The following SRRM4 variants were observed in gnomAD, a reference collection of about 807,000 sequenced individuals.
SRRM4 encodes serine/arginine repetitive matrix 4.
A neutral mutation model predicts 68.9 loss-of-function variants in SRRM4; 33 were observed. The observed-to-expected ratio is 0.48, with a 90% CI of 0.36 to 0.64. The LOEUF (loss-of-function observed/expected upper bound fraction) is 0.64. Among genes scored for constraint, SRRM4 ranks in the 30% least tolerant of loss-of-function variants. SRRM4 has a pLI of 0.00. For missense variants in SRRM4, 817 were observed against 827.1 expected, an observed-to-expected ratio of 0.99 and a Z score of 0.15; for synonymous variants, 318 against 318.8, an observed-to-expected ratio of 1.00 and a Z score of 0.03.
chr12:119,027,513 T>C (rs541709782), intron 1 of SRRM4, among the ~76,000 whole-genome samples: 116 of 151,778 alleles, frequency 7.6e-4, no homozygotes, highest in African/African-American at 2.7e-3. Context: ...GCACAATGAG[T>C]CAGATCTACA....
intron 10 of SRRM4, among the ~76,000 whole-genome samples, chr12:119,151,425 C>T (rs1954438792): frequency 6.6e-6 from 1 of 151,948 alleles, no homozygotes. Flanking sequence ...GAAGAAATAG[C>T]AATTCTTACC....
rs1481941455 is a variant in SRRM4, at chr12:119,145,426, A to T, written c.817A>T (p.Ser273Cys). ...TGCTGACCTCTTTACCAAAACAGCC[A>T]GCCCGCTCACCACCTCGCGAGGACG... ...SAADLFTKTA[S>C]PLTTSRGRSQ... Residue 273 changes from serine (S) to cysteine (C), a missense_variant, in exon 9 of 13, where the codon AGC (serine) becomes TGC (cysteine). By Grantham distance (112) the Ser-to-Cys change is moderately radical. Transcript: ENST00000267260. 2 of 1,606,936 alleles carry T rather than the reference A, an allele frequency of 1.2e-6. No individual in the cohort carries two copies. Among genetic ancestry groups the T allele is most frequent in the African/African-American group, 2.7e-5 (2 of 74,788 alleles).
chr12:119,054,313 T>C (rs1953763931), intron 1 of SRRM4, among the ~76,000 whole-genome samples: 1 of 152,244 alleles, frequency 6.6e-6, no homozygotes, highest in African/African-American at 2.4e-5. Flanking sequence ...GCACTCACTG[T>C]GCCAGATGCT....
chr12:119,055,555 G>A (rs1252452740), intron 1 of SRRM4, among the ~76,000 whole-genome samples: 1 of 152,280 alleles, frequency 6.6e-6, no homozygotes, highest in African/African-American at 2.4e-5. Flanking sequence ...CGCACATTTG[G>A]TATGGACTCA....
At chr12:119,099,671 C>T (rs370808653) in intron 1 of SRRM4, among the ~76,000 whole-genome samples, 2 of 151,894 alleles carry the variant, frequency 1.3e-5, no homozygotes, top group East Asian at 1.9e-4. Context: ...GGTCAGATGT[C>T]AACCAGGTTT....
At chr12:119,065,348 G>A (rs1377530652) in intron 1 of SRRM4, among the ~76,000 whole-genome samples, 1 of 152,142 alleles carries the variant, frequency 6.6e-6, no homozygotes, top group African/African-American at 2.4e-5. Context: ...GGAAATATCA[G>A]CCAATTTGAA....
rs61938017 is a variant in SRRM4, at chr12:119,100,979, A to G, written c.132-1257A>G. ...CAGCTCGGCTTCTAAAGATGCACTCATAAGTGGCTGACAGAGATGGATGTG... is the reference window on the plus strand; with the variant it reads ...CAGCTCGGCTTCTAAAGATGCACTCGTAAGTGGCTGACAGAGATGGATGTG... On this transcript the variant is annotated intron_variant, in intron 1 of 12. Transcript: ENST00000267260. Among the ~76,000 whole-genome samples the G allele has an allele frequency of 3.3e-3, 500 of 152,330 alleles. 4 individuals are homozygous for G. The highest frequency in any genetic ancestry group is 0.031 in the Middle Eastern group (9 of 294).
intron 1 of SRRM4, among the ~76,000 whole-genome samples, chr12:118,990,723 A>G (rs115987594): frequency 7.2e-5 from 11 of 152,318 alleles, no homozygotes; most frequent in African/African-American, 2.6e-4. Context: ...TTATCCACAT[A>G]GACCCAGAAG....
rs1222502656 is a variant in SRRM4 at position 119,159,725 on chromosome 12, G to C, written c.*2927G>C. 2 of 152,126 alleles carry C rather than the reference G, an allele frequency of 1.3e-5. No individual in the cohort carries two copies. The highest frequency in any genetic ancestry group is 4.8e-5 in the African/African-American group (2 of 41,394). 9.4% of individuals were successfully genotyped at this position (152,126 alleles called of 1,614,324 possible). A position where few individuals can be genotyped will look rare whatever the true frequency, so the allele number is the denominator to read the frequency against. ...ATGTTACACATGCTTCCACTCCACA[G>C]TACCTAATTTCTCTCTGTCCCCTGA... is the stretch of plus-strand genomic sequence containing the variant. On this transcript the variant is annotated 3_prime_UTR_variant, in exon 13 of 13. Transcript: ENST00000267260.
At chr12:119,107,806 G>A (rs1717880855) in intron 2 of SRRM4, among the ~76,000 whole-genome samples, 1 of 151,290 alleles carries the variant, frequency 6.6e-6, no homozygotes, top group South Asian at 2.1e-4. Context: ...GGTTTTTTGT[G>A]TATCTCCTTC....
intron 8 of SRRM4, among the ~76,000 whole-genome samples, chr12:119,131,115 A>T (rs1045920261): frequency 1.3e-5 from 2 of 152,220 alleles, no homozygotes; most frequent in Non-Finnish European, 2.9e-5. Flanking sequence ...TGATATCTGC[A>T]GGAAGACATG....
rs189837600 is a variant in SRRM4, at chr12:119,011,349, T to C, written c.131+29336T>C. On this transcript the variant is annotated intron_variant, in intron 1 of 12. Coordinates refer to ENST00000267260, the MANE Select transcript of SRRM4 (RefSeq NM_194286.4). The stretch of plus-strand genomic sequence containing the variant: ...CAGATAATACTTCCTTGTGGGGAGC[T>C]GTCCTGTGCACTGCAGGATGTTTAG... Among the ~76,000 whole-genome samples the C allele has an allele frequency of 9.8e-5, 15 of 152,344 alleles. No individual in the cohort carries two copies. In the East Asian group the frequency reaches 2.7e-3, roughly 27 times the overall value.
chr12:119,019,072 T>G (rs1953498473), intron 1 of SRRM4, among the ~76,000 whole-genome samples: 1 of 152,188 alleles, frequency 6.6e-6, no homozygotes, highest in Admixed American at 6.5e-5. Context: ...CAACCCTTCA[T>G]AACCTTCCTG....
intron 8 of SRRM4, among the ~76,000 whole-genome samples, chr12:119,137,015 C>T (rs945279812): frequency 7.9e-5 from 12 of 152,162 alleles, no homozygotes; most frequent in Admixed American, 7.2e-4. Flanking sequence ...TCAATGAATC[C>T]ATTCTTTTGC....
At chr12:119,143,865 TCC>T (rs576854946) in intron 8 of SRRM4, among the ~76,000 whole-genome samples, 49 of 152,052 alleles carry the variant, frequency 3.2e-4, no homozygotes, top group Non-Finnish European at 6.5e-4. Context: ...GCCTTCTTGG[TCC>T]CCCAGATTTC....
intron 4 of SRRM4, among the ~76,000 whole-genome samples, chr12:119,119,671 G>A (rs560061878): frequency 9.9e-5 from 15 of 152,182 alleles, no homozygotes; most frequent in Admixed American, 3.3e-4. Flanking sequence ...GAGATTGTAC[G>A]TGACAGGTGC....
Position 119,085,087 on chromosome 12 carries a change from G to A in SRRM4, c.132-17149G>A, listed in dbSNP as rs572518143. On this transcript the variant is annotated intron_variant, in intron 1 of 12. Coordinates refer to ENST00000267260, the MANE Select transcript of SRRM4 (RefSeq NM_194286.4). ...GGCTAATTTTTGTATTTTTAGTAGA[G>A]ATGAGGTTTCACCATGTTGGCCAGG... Among the ~76,000 whole-genome samples the A allele has an allele frequency of 8.5e-5, 13 of 152,230 alleles. No individual in the cohort carries two copies. In the South Asian group the frequency reaches 2.3e-3, roughly 27 times the overall value.
intron 1 of SRRM4, among the ~76,000 whole-genome samples, chr12:119,016,618 G>A (rs1953483455): frequency 6.6e-6 from 1 of 152,126 alleles, no homozygotes; most frequent in Non-Finnish European, 1.5e-5. Flanking sequence ...TCGTTACCCT[G>A]GGAAAGGTTA....
intron 1 of SRRM4, among the ~76,000 whole-genome samples, chr12:118,990,898 C>T (rs1273149326): frequency 6.6e-6 from 1 of 152,224 alleles, no homozygotes; most frequent in East Asian, 1.9e-4. Context: ...CAGCTCACTG[C>T]AACCTCTGCC....
Sources: gnomAD v4.1 joint callset for allele counts (sites outside exome capture counted in the v4.1 genomes callset) on GRCh38, gnomAD v4.1.1 for gene constraint, MANE v1.5 for transcripts, NCBI Gene and HGNC (gene_info 2026-07-23, HGNC 2026-07-21) for gene names.